Variants in CDK3 observed in about 807,000 individuals in gnomAD.
CDK3 encodes the protein cyclin dependent kinase 3.
In CDK3, 24 loss-of-function variants were observed where a neutral mutation model predicts 30.2. The ratio of observed to expected loss-of-function variants is 0.79; its 90% CI spans 0.57 to 1.12. The LOEUF (loss-of-function observed/expected upper bound fraction) is 1.12, where lower values mean the gene tolerates loss of function less well. Among genes scored for constraint, CDK3 ranks in the 50% most tolerant of loss-of-function variants. CDK3 has a pLI of 0.00. For missense variants in CDK3, 345 were observed against 376.0 expected, an observed-to-expected ratio of 0.92 and a Z score of 0.68; for synonymous variants, 158 against 154.2, an observed-to-expected ratio of 1.02 and a Z score of -0.18.
At chr17:76,004,219 G>GGTTTTTTTTT (rs1555622995) in intron 7 of CDK3, among the ~76,000 whole-genome samples, 1 of 92,322 alleles carries the variant, frequency 1.1e-5, no homozygotes, top group Non-Finnish European at 1.9e-5. Context: ...AGAACCGTCT[G>GGTTTTTTTTT]TTTTTTTTTT....
At chr17:76,004,889 G>A (rs1439603959) in intron 7 of CDK3, among the ~76,000 whole-genome samples, 1 of 152,166 alleles carries the variant, frequency 6.6e-6, no homozygotes, top group Non-Finnish European at 1.5e-5. Flanking sequence ...ATCCTGTCTG[G>A]GTTTAGGGAC....
chr17:76,005,622 T>G lies in CDK3; in HGVS notation c.*199T>G, dbSNP rs2066307040. 1.7e-6 allele frequency: 1 copy of G among 601,248 alleles called. No homozygotes were observed. Among genetic ancestry groups the G allele is most frequent in the South Asian group, 2.3e-5 (1 of 44,366 alleles). The allele number at this position is 601,248 out of a possible 1,614,324, so 37.2% of individuals were successfully genotyped here. Reference sequence around the variant, plus strand: ...TTGTTTTTTGGGTTGGACGGTGCCGTTTCAAAATAGAGGCACAGATGCTCC... The same window carrying G: ...TTGTTTTTTGGGTTGGACGGTGCCGGTTCAAAATAGAGGCACAGATGCTCC... On this transcript the variant is annotated 3_prime_UTR_variant, in exon 8 of 8. Transcript: ENST00000448471. This position sits in a 1 kb window ranked among gnomAD's most constrained non-coding sequence, Gnocchi z 4.7.
In CDK3 at chr17:76,002,120, A is replaced by C. The variant is rs1194967367; in HGVS notation, c.293A>C (p.Glu98Ala). The change falls in exon 4 of 8, where the codon GAG (glutamate) becomes GCG (alanine). Residue 98 changes from glutamate to alanine, a missense_variant. Physicochemically the swap from Glu to Ala is moderately radical, Grantham distance 107. Coordinates refer to ENST00000448471, the MANE Select transcript of CDK3 (RefSeq NM_001258.4). The surrounding 1 kb of genome is among the most constrained non-coding windows in gnomAD (Gnocchi z 4.3). ...KKYMDSTPGSELPLHLIKSYL... is the reference protein window; with the variant it reads ...KKYMDSTPGSALPLHLIKSYL... Reference sequence around the variant, plus strand: ...TACATGGACTCCACCCCAGGCTCAGAGCTCCCCCTGCACCTCATCAAGGTA... The same window carrying C: ...TACATGGACTCCACCCCAGGCTCAGCGCTCCCCCTGCACCTCATCAAGGTA... 6.2e-7 allele frequency: 1 copy of C among 1,613,656 alleles called. No homozygotes were observed. Among genetic ancestry groups the C allele is most frequent in the Non-Finnish European group, 8.5e-7 (1 of 1,179,956 alleles).
At position 76,001,555 on chromosome 17, in the gene CDK3, C is replaced by T. The variant is rs771692985; in HGVS notation, c.116+14C>T. On this transcript the variant is annotated intron_variant, in intron 2 of 7. Coordinates refer to ENST00000448471, the MANE Select transcript of CDK3 (RefSeq NM_001258.4). This position sits in a 1 kb window ranked among gnomAD's most constrained non-coding sequence, Gnocchi z 6.2. ...CAGACTGGATTTGTGAGTGCTGGGA[C>T]GGCCCCTGAGTTACCCACCCTGGGC... 1.9e-5 allele frequency: 31 copies of T among 1,608,648 alleles called. No homozygotes were observed. Among genetic ancestry groups the T allele is most frequent in the African/African-American group, 8.0e-5 (6 of 74,808 alleles).
At position 76,001,070 on chromosome 17, in the gene CDK3, G is replaced by T. The variant is rs2066253859; in HGVS notation, c.-15+103G>T. 1.7e-6 allele frequency: 2 copies of T among 1,170,392 alleles called. No individual in the cohort carries two copies. Among genetic ancestry groups the T allele is most frequent in the Non-Finnish European group, 2.1e-6 (2 of 936,396 alleles). The allele number at this position is 1,170,392 out of a possible 1,614,324, so 72.5% of individuals were successfully genotyped here. ...GAGGGGTGGTCTCTGACTTCCTGGG[G>T]GTTCTGGCTGGGATGGGCAGGGGGC... On this transcript the variant is annotated intron_variant, in intron 1 of 7. Transcript: ENST00000448471. This position sits in a 1 kb window ranked among gnomAD's most constrained non-coding sequence, Gnocchi z 6.2.
Position 76,001,398 on chromosome 17 carries a change from C to T in CDK3, c.-14-14C>T, listed in dbSNP as rs2066257957. 3.1e-6 allele frequency: 5 copies of T among 1,613,726 alleles called. No individual in the cohort carries two copies. Among genetic ancestry groups the T allele is most frequent in the African/African-American group, 1.3e-5 (1 of 74,890 alleles). On this transcript the variant is annotated splice_polypyrimidine_tract_variant and intron_variant, in intron 1 of 7. Transcript: ENST00000448471. This position sits in a 1 kb window ranked among gnomAD's most constrained non-coding sequence, Gnocchi z 6.2. ...GCGTGGGGTGCAAATTGCCCGGTGC[C>T]TTCTGTTTCCCAGGCAGCTCTGTGG... is the stretch of plus-strand genomic sequence containing the variant.
Position 76,002,284 on chromosome 17 carries a change from T to G in CDK3, c.352T>G (p.Cys118Gly). ...CCAGCTGCTGCAGGGGGTGAGTTTC[T>G]GCCACTCACATCGGGTCATCCACCG... ...LFQLLQGVSF[C>G]HSHRVIHRDL... is the part of the protein sequence containing the mutation. The change falls in exon 5 of 8, where the codon TGC becomes GGC. Residue 118 changes from cysteine to glycine, a missense_variant. Coordinates refer to ENST00000448471, the MANE Select transcript of CDK3 (RefSeq NM_001258.4). The surrounding 1 kb of genome is among the most constrained non-coding windows in gnomAD (Gnocchi z 4.3). 1.9e-6 allele frequency: 3 copies of G among 1,611,922 alleles called. No individual in the cohort carries two copies. Among genetic ancestry groups the G allele is most frequent in the Non-Finnish European group, 2.5e-6 (3 of 1,179,950 alleles).
Position 76,001,834 on chromosome 17 carries a change from C to G in CDK3, c.117-40C>G. 1.9e-6 allele frequency: 3 copies of G among 1,590,602 alleles called. No homozygotes were observed. Among genetic ancestry groups the G allele is most frequent in the Non-Finnish European group, 2.6e-6 (3 of 1,162,680 alleles). ...CCCTGGCTGGAAGTGCCCTTCTTGG[C>G]CCAAGTCTCTGCCCACGGCTGTGCC... On this transcript the variant is annotated intron_variant, in intron 2 of 7. Transcript: ENST00000448471. This position sits in a 1 kb window ranked among gnomAD's most constrained non-coding sequence, Gnocchi z 6.2.
Position 76,001,755 on chromosome 17 carries a change from G to T in CDK3, c.117-119G>T. ...GGTGGATGACGTGCCAAGGAGCACA[G>T]GTCTCCATTGCCGGGGCCCTGGTCA... On this transcript the variant is annotated intron_variant, in intron 2 of 7. Transcript: ENST00000448471. This position sits in a 1 kb window ranked among gnomAD's most constrained non-coding sequence, Gnocchi z 6.2. The T allele has an allele frequency of 9.7e-7, 1 of 1,029,682 alleles. No homozygotes were observed. The highest frequency in any genetic ancestry group is 1.4e-6 in the Non-Finnish European group (1 of 708,798). 63.8% of individuals were successfully genotyped at this position (1,029,682 alleles called of 1,614,324 possible).
rs112568448 is a variant in CDK3, at chr17:76,003,238, A to G, written c.632A>G (p.Gln211Arg). The change falls in exon 7 of 8, where the codon CAG (glutamine) becomes CGG (arginine). Residue 211 changes from glutamine (Q) to arginine (R), a missense_variant. By Grantham distance (43) the Gln-to-Arg change is conservative (BLOSUM62 1). Transcript: ENST00000448471. ...ALFPGDSEIDQLFRIFRMLGT... is the reference protein window; with the variant it reads ...ALFPGDSEIDRLFRIFRMLGT... The stretch of plus-strand genomic sequence containing the variant: ...TTTCCTGGTGACTCTGAGATTGACC[A>G]GCTCTTTCGTATCTTTCGTATGCTG... The G allele has an allele frequency of 6.2e-7, 1 of 1,614,210 alleles. No homozygotes were observed.
chr17:76,002,029 G>A lies in CDK3; in HGVS notation c.202G>A (p.Asp68Asn). Residue 68 changes from aspartate to asparagine, a missense_variant, in exon 4 of 8, where the codon GAC becomes AAC. By Grantham distance (23) the Asp-to-Asn change is conservative. Transcript: ENST00000448471. This position sits in a 1 kb window ranked among gnomAD's most constrained non-coding sequence, Gnocchi z 4.3. ...LKHPNIVRLL[D>N]VVHNERKLYL... The stretch of plus-strand genomic sequence containing the variant: ...CTGCCATCTCCCTGTCAGACTGCTG[G>A]ACGTGGTGCACAACGAGAGGAAGCT... The A allele has an allele frequency of 1.9e-6, 3 of 1,614,080 alleles. No homozygotes were observed. The highest frequency in any genetic ancestry group is 2.5e-6 in the Non-Finnish European group (3 of 1,180,014).
chr17:76,003,432 CT>C (rs1017670402), intron 7 of CDK3, 34 bp downstream of exon 7: 1 of 1,568,114 alleles, frequency 6.4e-7, no homozygotes, highest in African/African-American at 1.4e-5. Context: ...GCTGCTCCGA[CT>C]ACAGTTTCCC....
In CDK3 at chr17:76,005,237, G is replaced by A. The variant is rs2066303358; in HGVS notation, c.793-61G>A. The A allele has an allele frequency of 1.3e-6, 2 of 1,577,942 alleles. No individual in the cohort carries two copies. Among genetic ancestry groups the A allele is most frequent in the Non-Finnish European group, 1.7e-6 (2 of 1,158,280 alleles). On this transcript the variant is annotated intron_variant, in intron 7 of 7. Coordinates refer to ENST00000448471, the MANE Select transcript of CDK3 (RefSeq NM_001258.4). This position sits in a 1 kb window ranked among gnomAD's most constrained non-coding sequence, Gnocchi z 4.7. The stretch of plus-strand genomic sequence containing the variant: ...GGCCCTTGATCTGGGACCTGGGAGG[G>A]GAATTTCTCACCCCACCCTGGCTGC...
rs550071211 is a variant in CDK3 at position 76,003,440 on chromosome 17, T to C, written c.792+42T>C. The stretch of plus-strand genomic sequence containing the variant: ...TCCAGCTGCTGCTCCGACTACAGTT[T>C]CCCCTCATCAGCCAGCCTCTTACAT... On this transcript the variant is annotated intron_variant, in intron 7 of 7. Transcript: ENST00000448471. 1.6e-4 allele frequency: 249 copies of C among 1,541,030 alleles called. 3 individuals carry two copies. The South Asian group carries it at 2.6e-3, about 16-fold the overall frequency.
At chr17:76,004,625 G>C (rs188308803) in intron 7 of CDK3, 1 of 152,666 alleles carries the variant, frequency 6.6e-6, no homozygotes, top group African/African-American at 2.4e-5. Context: ...GTGCTGGGGG[G>C]ATCACAGGTG....
At chr17:76,003,688 G>A (rs1324511708) in intron 7 of CDK3, among the ~76,000 whole-genome samples, 3 of 152,320 alleles carry the variant, frequency 2.0e-5, no homozygotes, top group South Asian at 2.1e-4. Flanking sequence ...CTACTTTGTG[G>A]ACATTACTGC....
At position 76,001,570 on chromosome 17, in the gene CDK3, C is replaced by T. The variant is rs1417627505; in HGVS notation, c.116+29C>T. On this transcript the variant is annotated intron_variant, in intron 2 of 7. Coordinates refer to ENST00000448471, the MANE Select transcript of CDK3 (RefSeq NM_001258.4). This position sits in a 1 kb window ranked among gnomAD's most constrained non-coding sequence, Gnocchi z 6.2. Reference sequence around the variant, plus strand: ...AGTGCTGGGACGGCCCCTGAGTTACCCACCCTGGGCCATCACAACCTGGGC... The same window carrying T: ...AGTGCTGGGACGGCCCCTGAGTTACTCACCCTGGGCCATCACAACCTGGGC... The T allele has an allele frequency of 6.4e-7, 1 of 1,572,416 alleles. No homozygotes were observed. Among genetic ancestry groups the T allele is most frequent in the Non-Finnish European group, 8.7e-7 (1 of 1,145,688 alleles).
intron 7 of CDK3, among the ~76,000 whole-genome samples, chr17:76,004,967 C>T (rs2066298819): frequency 6.6e-6 from 1 of 152,134 alleles, no homozygotes; most frequent in African/African-American, 2.4e-5. Context: ...ACTCAGTGTT[C>T]CTCCCTGGAC....
At position 76,002,086 on chromosome 17, in the gene CDK3, C is replaced by A. The variant is rs774332704; in HGVS notation, c.259C>A (p.Leu87Met). The A allele has an allele frequency of 1.9e-6, 3 of 1,614,058 alleles. No individual in the cohort carries two copies. The highest frequency in any genetic ancestry group is 2.5e-6 in the Non-Finnish European group (3 of 1,180,006). ...GGTGTTTGAGTTCCTCAGCCAGGACCTGAAGAAGTACATGGACTCCACCCC... is the reference window on the plus strand; with the variant it reads ...GGTGTTTGAGTTCCTCAGCCAGGACATGAAGAAGTACATGGACTCCACCCC... ...YLVFEFLSQD[L>M]KKYMDSTPGS... is the part of the protein sequence containing the mutation. The change falls in exon 4 of 8, where the codon CTG becomes ATG. Residue 87 changes from leucine to methionine, a missense_variant. Coordinates refer to ENST00000448471, the MANE Select transcript of CDK3 (RefSeq NM_001258.4). This position sits in a 1 kb window ranked among gnomAD's most constrained non-coding sequence, Gnocchi z 4.3.
Sources: allele counts gnomAD v4.1 joint callset (sites outside exome capture counted in the v4.1 genomes callset), GRCh38; gene constraint gnomAD v4.1.1; non-coding constraint Gnocchi (gnomAD v3.1); transcripts MANE v1.5; gene names NCBI Gene and HGNC (gene_info 2026-07-23, HGNC 2026-07-21).